The following ZNF292 variants were observed in gnomAD, a reference collection of about 807,000 sequenced individuals.
ZNF292 encodes the protein zinc finger protein 292.
ZNF292 carries 26 observed loss-of-function variants against 217.9 expected under a neutral mutation model. The ratio of observed to expected loss-of-function variants is 0.12; its 90% CI spans 0.09 to 0.17. The LOEUF (loss-of-function observed/expected upper bound fraction) is 0.17. ZNF292 is among the 10% of genes least tolerant of loss of function. The probability of loss-of-function intolerance (pLI) is 1.00; values close to 1 mark genes in which losing one functional copy is unlikely to be tolerated. For synonymous variants in ZNF292, 1,257 were observed against 1,124.1 expected, an observed-to-expected ratio of 1.12 and a Z score of -2.37; for missense variants, 2,904 against 3,175.2, an observed-to-expected ratio of 0.91 and a Z score of 2.05.
chr6:87,160,718 A>G (rs756443643), intron 1 of ZNF292, among the ~76,000 whole-genome samples: 5 of 151,970 alleles, frequency 3.3e-5, no homozygotes, highest in Non-Finnish European at 7.4e-5. Context: ...TAGTTCATAT[A>G]AGCAGGGCTT....
intron 5 of ZNF292, among the ~76,000 whole-genome samples, chr6:87,236,401 T>C (rs1773906399): frequency 7.2e-6 from 1 of 138,778 alleles, no homozygotes. Context: ...TTTTTTTTTT[T>C]TTTTAAAAAA....
intron 4 of ZNF292, among the ~76,000 whole-genome samples, chr6:87,219,458 A>G (rs557461725): frequency 1.3e-5 from 2 of 152,292 alleles, no homozygotes; most frequent in Admixed American, 6.5e-5. Flanking sequence ...TTCTTCCGTC[A>G]TTTATTGCTG....
rs375435767 is a variant in ZNF292 at position 87,260,208 on chromosome 6, C to T, written c.6579C>T (p.Tyr2193=). ...CAATTACTGGCCTAATACAACACTACATGAAACTTCATGAAATGACTCCTG... is the reference window on the plus strand; with the variant it reads ...CAATTACTGGCCTAATACAACACTATATGAAACTTCATGAAATGACTCCTG... ...FQAITGLIQH[Y]MKLHEMTPEE... Residue 2193 remains tyrosine, a synonymous_variant, in exon 8 of 8, where the codon TAC becomes TAT. Transcript: ENST00000369577. 25 of 1,613,478 alleles carry T rather than the reference C, an allele frequency of 1.5e-5. No individual in the cohort carries two copies. Among genetic ancestry groups the T allele is most frequent in the Non-Finnish European group, 1.9e-5 (23 of 1,179,626 alleles).
Position 87,260,771 on chromosome 6 carries a change from G to T in ZNF292, c.7142G>T (p.Arg2381Ile). 6.2e-7 allele frequency: 1 copy of T among 1,613,410 alleles called. No homozygotes were observed. Among genetic ancestry groups the T allele is most frequent in the Non-Finnish European group, 8.5e-7 (1 of 1,179,620 alleles). Residue 2381 changes from arginine (R) to isoleucine (I), a missense_variant, in exon 8 of 8, where the codon AGA (arginine) becomes ATA (isoleucine). Coordinates refer to ENST00000369577, the MANE Select transcript of ZNF292 (RefSeq NM_015021.3). Reference sequence around the variant, plus strand: ...GATGCCCTGTCTGAGTGTACAAGCAGATTTGTAACCCAGTATCCATGTATG... The same window carrying T: ...GATGCCCTGTCTGAGTGTACAAGCATATTTGTAACCCAGTATCCATGTATG... ...RNDALSECTS[R>I]FVTQYPCMIK...
chr6:87,216,354 G>A lies in ZNF292; in HGVS notation c.379G>A (p.Glu127Lys). 1 of 1,584,148 alleles carries A rather than the reference G, an allele frequency of 6.3e-7. No individual in the cohort carries two copies. The highest frequency in any genetic ancestry group is 8.6e-7 in the Non-Finnish European group (1 of 1,163,012). Residue 127 changes from glutamate (E) to lysine (K), a missense_variant, in exon 3 of 8, where the codon GAA (glutamate) becomes AAA (lysine). Physicochemically the swap from Glu to Lys is moderately conservative, Grantham distance 56 (BLOSUM62 1). Coordinates refer to ENST00000369577, the MANE Select transcript of ZNF292 (RefSeq NM_015021.3). Reference protein sequence around the residue: ...LPVELSDKQWEQFQTLVQVAH... With the variant: ...LPVELSDKQWKQFQTLVQVAH... Reference sequence around the variant, plus strand: ...TGTTGAGTTATCAGATAAACAGTGGGAACAATTTCAGACACTGGTGCAGGT... The same window carrying A: ...TGTTGAGTTATCAGATAAACAGTGGAAACAATTTCAGACACTGGTGCAGGT...
intron 1 of ZNF292, among the ~76,000 whole-genome samples, chr6:87,167,104 A>G (rs1770942638): frequency 6.6e-6 from 1 of 152,230 alleles, no homozygotes; most frequent in South Asian, 2.1e-4. Flanking sequence ...AACTATTTTA[A>G]TAGTAAAAAT....
intron 7 of ZNF292, among the ~76,000 whole-genome samples, chr6:87,253,000 A>C (rs1184311247): frequency 6.6e-6 from 1 of 151,738 alleles, no homozygotes; most frequent in Non-Finnish European, 1.5e-5. Flanking sequence ...TCGAATTCCC[A>C]ATTTCAAGCA....
At chr6:87,197,363 C>T (rs1473779806) in intron 1 of ZNF292, among the ~76,000 whole-genome samples, 11 of 151,186 alleles carry the variant, frequency 7.3e-5, no homozygotes, top group Admixed American at 5.9e-4. Context: ...TTAGGTAGTA[C>T]CATAAATGTT....
At position 87,256,342 on chromosome 6, in the gene ZNF292, A is replaced by C; in HGVS notation, c.2713A>C (p.Ile905Leu). ...ATCAGCTGTGACCAAACAAGACCAG[A>C]TTTCTGCCTCTGAGCTCAGGCAAGC... ...AESAVTKQDQ[I>L]SASELRQANG... Residue 905 changes from isoleucine (I) to leucine (L), a missense_variant, in exon 8 of 8, where the codon ATT (isoleucine) becomes CTT (leucine). Physicochemically the swap from Ile to Leu is conservative, Grantham distance 5 (BLOSUM62 2). Coordinates refer to ENST00000369577, the MANE Select transcript of ZNF292 (RefSeq NM_015021.3). The C allele has an allele frequency of 2.5e-6, 4 of 1,612,368 alleles. No homozygotes were observed. The highest frequency in any genetic ancestry group is 3.4e-6 in the Non-Finnish European group (4 of 1,179,830).
At position 87,261,502 on chromosome 6, in the gene ZNF292, T is replaced by G; in HGVS notation, c.7873T>G (p.Ser2625Ala). The change falls in exon 8 of 8, where the codon TCA becomes GCA. Residue 2625 changes from serine (S) to alanine (A), a missense_variant. Physicochemically the swap from Ser to Ala is moderately conservative, Grantham distance 99. This residue lies in a region of ZNF292 where 380 missense variants were observed against 355.3 expected (regional missense o/e 1.07). Coordinates refer to ENST00000369577, the MANE Select transcript of ZNF292 (RefSeq NM_015021.3). ...TACTGGAAACAAAAAAGGATCCCATTCAAATTCAAGAAAAAATATTGATAA... is the reference window on the plus strand; with the variant it reads ...TACTGGAAACAAAAAAGGATCCCATGCAAATTCAAGAAAAAATATTGATAA... ...PNTGNKKGSHSNSRKNIDKTA... is the reference protein window; with the variant it reads ...PNTGNKKGSHANSRKNIDKTA... The G allele has an allele frequency of 6.2e-7, 1 of 1,605,992 alleles. No homozygotes were observed. Among genetic ancestry groups the G allele is most frequent in the Non-Finnish European group, 8.5e-7 (1 of 1,175,680 alleles).
chr6:87,184,470 CTT>C (rs35294887), intron 1 of ZNF292, among the ~76,000 whole-genome samples: 15 of 115,094 alleles, frequency 1.3e-4, no homozygotes, highest in Admixed American at 2.7e-4. Flanking sequence ...TTACCATAGG[CTT>C]TTTTTTTTTT....
At chr6:87,234,271 A>G (rs1347590640) in intron 5 of ZNF292, among the ~76,000 whole-genome samples, 2 of 152,180 alleles carry the variant, frequency 1.3e-5, no homozygotes, top group African/African-American at 2.4e-5. Context: ...AAACTATACT[A>G]GATTGGCTGG....
chr6:87,242,740 T>C (rs1254806967), intron 5 of ZNF292, among the ~76,000 whole-genome samples: 1 of 152,234 alleles, frequency 6.6e-6, no homozygotes, highest in African/African-American at 2.4e-5. Context: ...AGGTAAAGTC[T>C]GTTCGTTTTA....
chr6:87,228,503 C>T (rs1219556990), intron 4 of ZNF292, among the ~76,000 whole-genome samples: 1 of 152,164 alleles, frequency 6.6e-6, no homozygotes, highest in Non-Finnish European at 1.5e-5. Flanking sequence ...GAAATCATTG[C>T]CAGTCTATTG....
At position 87,265,037 on chromosome 6, in the gene ZNF292, G is replaced by A. The variant is rs1342678180; in HGVS notation, c.*3236G>A. Among the ~76,000 whole-genome samples the A allele has an allele frequency of 1.3e-5, 2 of 152,150 alleles. No homozygotes were observed. The highest frequency in any genetic ancestry group is 2.9e-5 in the Non-Finnish European group (2 of 68,018). On this transcript the variant is annotated 3_prime_UTR_variant, in exon 8 of 8. Transcript: ENST00000369577. ...GTTTATTGTAGTGAGATACTAGGCA[G>A]GTGGAAGGTTATTGCTGTGATGAAA... is the stretch of plus-strand genomic sequence containing the variant.
intron 1 of ZNF292, among the ~76,000 whole-genome samples, chr6:87,163,343 C>T (rs1324209902): frequency 2.0e-5 from 3 of 151,820 alleles, no homozygotes; most frequent in Non-Finnish European, 2.9e-5. Context: ...CCCAGCTACT[C>T]AGGAGGCTGA....
Position 87,255,241 on chromosome 6 carries a change from C to G in ZNF292, c.1612C>G (p.Gln538Glu). Reference sequence around the variant, plus strand: ...TATATCTGCTCGGTTTAGGAATTGGCAAGCCTACATGCAGTATTGTGTGTT... The same window carrying G: ...TATATCTGCTCGGTTTAGGAATTGGGAAGCCTACATGCAGTATTGTGTGTT... ...GFISARFRNWQAYMQYCVLCD... is the reference protein window; with the variant it reads ...GFISARFRNWEAYMQYCVLCD... Residue 538 changes from glutamine (Q) to glutamate (E), a missense_variant, in exon 8 of 8, where the codon CAA (glutamine) becomes GAA (glutamate). Around this residue, in one of 15 missense-constraint regions of ZNF292, gnomAD observed 87 missense variants for 99.6 expected, o/e 0.87. Transcript: ENST00000369577. The G allele has an allele frequency of 6.2e-7, 1 of 1,613,842 alleles. No homozygotes were observed. The highest frequency in any genetic ancestry group is 8.5e-7 in the Non-Finnish European group (1 of 1,179,818).
At chr6:87,234,066 T>C (rs1773781401) in intron 5 of ZNF292, among the ~76,000 whole-genome samples, 2 of 152,196 alleles carry the variant, frequency 1.3e-5, no homozygotes, top group African/African-American at 4.8e-5. Context: ...TCTAGTTTGG[T>C]ATAAAGCATA....
intron 1 of ZNF292, among the ~76,000 whole-genome samples, chr6:87,162,041 G>A (rs1464944562): frequency 6.6e-6 from 1 of 152,148 alleles, no homozygotes; most frequent in Admixed American, 6.5e-5. Flanking sequence ...CTATGGCTGG[G>A]TCTAATTAAT....
Sources: gnomAD v4.1 joint callset for allele counts (sites outside exome capture counted in the v4.1 genomes callset) on GRCh38, gnomAD v4.1.1 for gene constraint, gnomAD v4.1.1 regional missense constraint, MANE v1.5 for transcripts, NCBI Gene and HGNC (gene_info 2026-07-23, HGNC 2026-07-21) for gene names.